SNRPD1: variants seen among roughly 807,000 people sequenced by gnomAD.
SNRPD1 encodes small nuclear ribonucleoprotein D1 polypeptide.
A neutral mutation model predicts 14.4 loss-of-function variants in SNRPD1; 1 was observed. The observed-to-expected ratio is 0.07, with a 90% CI of 0.02 to 0.33. The LOEUF (loss-of-function observed/expected upper bound fraction) is 0.33. SNRPD1 is among the 10% of genes least tolerant of loss of function. SNRPD1 has a pLI of 1.00. For missense variants in SNRPD1, 52 were observed against 146.4 expected (o/e 0.36, Z 3.33); for synonymous variants, 42 against 50.3 (o/e 0.83, Z 0.70).
At chr18:21,613,100 C>T (rs977643094) in intron 1 of SNRPD1, among the ~76,000 whole-genome samples, 3 of 152,104 alleles carry the variant, frequency 2.0e-5, no homozygotes, top group African/African-American at 7.2e-5. Flanking sequence ...GAAAATCTCC[C>T]AATATAGGGC....
chr18:21,621,820 G>T (rs941248357), intron 1 of SNRPD1, among the ~76,000 whole-genome samples: 4 of 152,028 alleles, frequency 2.6e-5, no homozygotes, highest in African/African-American at 9.7e-5. Context: ...CAGATGATCC[G>T]CCCTCCTCGG....
At chr18:21,625,811 C>T (rs954018057) in intron 3 of SNRPD1, among the ~76,000 whole-genome samples, 3 of 151,970 alleles carry the variant, frequency 2.0e-5, no homozygotes, top group Non-Finnish European at 2.9e-5. Context: ...GGGGTTTCAC[C>T]GTGTTAGCCA....
chr18:21,626,830 A>G (rs1249595557), intron 3 of SNRPD1, among the ~76,000 whole-genome samples: 1 of 151,564 alleles, frequency 6.6e-6, no homozygotes, highest in African/African-American at 2.4e-5. Context: ...GTTTGGTAAG[A>G]GACAAGATCT....
intron 3 of SNRPD1, among the ~76,000 whole-genome samples, chr18:21,627,816 A>G (rs2039052274): frequency 6.6e-6 from 1 of 152,148 alleles, no homozygotes; most frequent in Non-Finnish European, 1.5e-5. Context: ...TCACTACTGT[A>G]TTATCTAGAG....
At chr18:21,627,356 C>T (rs866491472) in intron 3 of SNRPD1, among the ~76,000 whole-genome samples, 2 of 151,702 alleles carry the variant, frequency 1.3e-5, no homozygotes, top group Non-Finnish European at 2.9e-5. Context: ...CTCAAACAAT[C>T]CTCCTGCTGT....
chr18:21,613,194 C>G (rs2146254387), intron 1 of SNRPD1, among the ~76,000 whole-genome samples: 1 of 152,294 alleles, frequency 6.6e-6, no homozygotes, highest in Admixed American at 6.5e-5. Context: ...TAAATAGACC[C>G]TGTCAGTTAG....
chr18:21,619,758 T>C (rs2038983815), intron 1 of SNRPD1, among the ~76,000 whole-genome samples: 1 of 151,024 alleles, frequency 6.6e-6, no homozygotes, highest in East Asian at 2.0e-4. Context: ...CCAGCCTGGG[T>C]GACAGAGCGA....
chr18:21,622,813 G>A lies in SNRPD1; in HGVS notation c.91+12G>A. 7.0e-7 allele frequency: 1 copy of A among 1,434,440 alleles called. No individual in the cohort carries two copies. Among genetic ancestry groups the A allele is most frequent in the South Asian group, 1.2e-5 (1 of 84,538 alleles). The allele number at this position is 1,434,440 out of a possible 1,614,324, so 88.9% of individuals were successfully genotyped here. A position where few individuals can be genotyped will look rare whatever the true frequency, so the allele number is the denominator to read the frequency against. On this transcript the variant is annotated intron_variant, in intron 2 of 3. Transcript: ENST00000300413. ...TGGAACAATCACAGGTACGGAGGTT[G>A]GACTGCTTTTATAACATTTTTTTTC...
chr18:21,632,544 A>G lies in SNRPD1; in HGVS notation c.*3406A>G, dbSNP rs2039092188. The G allele has an allele frequency of 6.6e-6, 1 of 152,152 alleles. No individual in the cohort carries two copies. The highest frequency in any genetic ancestry group is 6.6e-5 in the Admixed American group (1 of 15,266). 9.4% of individuals were successfully genotyped at this position (152,152 alleles called of 1,614,324 possible). A position where few individuals can be genotyped will look rare whatever the true frequency, so the allele number is the denominator to read the frequency against. On this transcript the variant is annotated 3_prime_UTR_variant, in exon 4 of 4. Coordinates refer to ENST00000300413, the MANE Select transcript of SNRPD1 (RefSeq NM_006938.4). ...AGTCTAGTAACAGTTTAAATGTAAT[A>G]ATAAATCACAGTGGGTACTAGATTG...
rs2039071849 is a variant in SNRPD1, at chr18:21,630,293, G to C, written c.*1155G>C. 6.6e-6 allele frequency: 1 copy of C among 152,108 alleles called. No individual in the cohort carries two copies. Among genetic ancestry groups the C allele is most frequent in the South Asian group, 2.1e-4 (1 of 4,834 alleles). 9.4% of individuals were successfully genotyped at this position (152,108 alleles called of 1,614,324 possible). A position where few individuals can be genotyped will look rare whatever the true frequency, so the allele number is the denominator to read the frequency against. On this transcript the variant is annotated 3_prime_UTR_variant, in exon 4 of 4. Coordinates refer to ENST00000300413, the MANE Select transcript of SNRPD1 (RefSeq NM_006938.4). ...GACTTTTAAAAATTGTTTTTGATTT[G>C]CTAAGCTCAGAAAAAATGTCTCTCA...
chr18:21,626,394 CAAAAA>C (rs774960503), intron 3 of SNRPD1, among the ~76,000 whole-genome samples: 3 of 51,082 alleles, frequency 5.9e-5, no homozygotes, highest in Non-Finnish European at 1.1e-4. Flanking sequence ...ACCCTGTCGC[CAAAAA>C]AAAAAAAAAA....
Position 21,629,124 on chromosome 18 carries a change from G to A in SNRPD1, c.346G>A (p.Gly116Ser). The change falls in exon 4 of 4, where the codon GGT becomes AGT. Residue 116 changes from glycine (G) to serine (S), a missense_variant. By Grantham distance (56) the Gly-to-Ser change is moderately conservative. Coordinates refer to ENST00000300413, the MANE Select transcript of SNRPD1 (RefSeq NM_006938.4). ...ACGTGGCCGTGGCAGAGGAAGAGGGGGTCCTAGGCGATAATGTCTCTCAAG... is the reference window on the plus strand; with the variant it reads ...ACGTGGCCGTGGCAGAGGAAGAGGGAGTCCTAGGCGATAATGTCTCTCAAG... ...RGRGRGRGRG[G>S]PRR The A allele has an allele frequency of 6.2e-7, 1 of 1,611,440 alleles. No individual in the cohort carries two copies. The highest frequency in any genetic ancestry group is 8.5e-7 in the Non-Finnish European group (1 of 1,177,762).
Position 21,622,744 on chromosome 18 carries a change from C to A in SNRPD1, c.34C>A (p.His12Asn). 1 of 1,553,600 alleles carries A rather than the reference C, an allele frequency of 6.4e-7. No homozygotes were observed. The highest frequency in any genetic ancestry group is 8.9e-7 in the Non-Finnish European group (1 of 1,125,446). ...KLVRFLMKLS[H>N]ETVTIELKNG... ...TTATAGATTTTTGATGAAATTGAGT[C>A]ATGAAACTGTAACCATTGAATTGAA... The change falls in exon 2 of 4, where the codon CAT (histidine) becomes AAT (asparagine). Residue 12 changes from histidine (H) to asparagine (N), a missense_variant. Coordinates refer to ENST00000300413, the MANE Select transcript of SNRPD1 (RefSeq NM_006938.4).
intron 2 of SNRPD1, among the ~76,000 whole-genome samples, chr18:21,623,069 G>C (rs1461762846): frequency 6.6e-6 from 1 of 151,916 alleles, no homozygotes; most frequent in Admixed American, 6.6e-5. Flanking sequence ...TGGGACTACA[G>C]GTGCCTGCCA....
At chr18:21,622,667 C>A in intron 1 of SNRPD1, 58 bp from the exon 2 acceptor site, 1 of 837,034 alleles carries the variant, frequency 1.2e-6, no homozygotes, top group Admixed American at 1.9e-5. Context: ...ACCCTTTCAC[C>A]TTAATAAATG....
intron 1 of SNRPD1, among the ~76,000 whole-genome samples, chr18:21,615,052 A>T (rs1457059046): frequency 2.2e-4 from 33 of 152,174 alleles, no homozygotes; most frequent in Non-Finnish European, 4.7e-4. Context: ...ACCTAAACCC[A>T]TATCAACAGA....
chr18:21,623,971 A>T (rs566625157), intron 3 of SNRPD1, 32 bp downstream of exon 3: 2 of 1,316,278 alleles, frequency 1.5e-6, no homozygotes, highest in Non-Finnish European at 2.2e-6. Context: ...CATTTTTGTG[A>T]ATGCTAATCC....
chr18:21,623,133 T>A (rs1407631982), intron 2 of SNRPD1, among the ~76,000 whole-genome samples: 2 of 151,830 alleles, frequency 1.3e-5, no homozygotes, highest in East Asian at 3.9e-4. Context: ...TTACCCAGGC[T>A]GGAGTGCAGT....
chr18:21,624,391 AAAC>A (rs1423056434), intron 3 of SNRPD1, among the ~76,000 whole-genome samples: 4 of 146,404 alleles, frequency 2.7e-5, no homozygotes, highest in Non-Finnish European at 1.5e-5. Context: ...AAAAAAAACC[AAAC>A]AACAAATATC....
Sources: gnomAD v4.1 joint callset for allele counts (sites outside exome capture counted in the v4.1 genomes callset) on GRCh38, gnomAD v4.1.1 for gene constraint, MANE v1.5 for transcripts, NCBI Gene and HGNC (gene_info 2026-07-23, HGNC 2026-07-21) for gene names.